EIF2AK4: variants seen among roughly 807,000 people sequenced by gnomAD.
EIF2AK4 encodes the protein eukaryotic translation initiation factor 2 alpha kinase 4.
Under a neutral mutation model 211.1 loss-of-function variants are expected in EIF2AK4, and 139 were observed. The observed-to-expected ratio is 0.66, with a 90% CI of 0.57 to 0.76. The LOEUF is 0.76. EIF2AK4 is among the 30% of genes least tolerant of loss of function. The pLI is 0.00. For missense variants in EIF2AK4, 1,664 were observed against 2,043.8 expected (o/e 0.81, Z 3.58); for synonymous variants, 710 against 751.3 (o/e 0.94, Z 0.90).
At chr15:40,027,991 G>A (rs1019926959) in intron 33 of EIF2AK4, among the ~76,000 whole-genome samples, 8 of 151,560 alleles carry the variant, frequency 5.3e-5, no homozygotes, top group Non-Finnish European at 8.8e-5. Context: ...CTAGAAGAAC[G>A]TACCAAATTT....
At chr15:39,980,588 G>A (rs1307928881) in intron 13 of EIF2AK4, among the ~76,000 whole-genome samples, 2 of 152,196 alleles carry the variant, frequency 1.3e-5, no homozygotes, top group Admixed American at 1.3e-4. Flanking sequence ...CTGATCAAGT[G>A]CTAATTAGCC....
rs527849793 is a variant in EIF2AK4 at position 39,940,929 on chromosome 15, C to T, written c.257+1312C>T. ...GTTTCCACCACCCCCTCCTAAGTTG[C>T]GATAATTGCTAGAATGCATCACAGA... On this transcript the variant is annotated intron_variant, in intron 2 of 38. Transcript: ENST00000263791. Among the ~76,000 whole-genome samples, 6 of 152,044 alleles carry T rather than the reference C, an allele frequency of 3.9e-5. No homozygotes were observed. The South Asian group carries it at 8.3e-4, about 21-fold the overall frequency.
At chr15:39,969,255 G>T (rs1237384932) in intron 9 of EIF2AK4, among the ~76,000 whole-genome samples, 1 of 151,710 alleles carries the variant, frequency 6.6e-6, no homozygotes, top group Non-Finnish European at 1.5e-5. Flanking sequence ...CCGTTTAGTA[G>T]CAAAATGAAT....
At chr15:39,995,694 ATTTATTT>A (rs1566998239) in intron 18 of EIF2AK4, among the ~76,000 whole-genome samples, 1 of 148,800 alleles carries the variant, frequency 6.7e-6, no homozygotes, top group Admixed American at 6.7e-5. Flanking sequence ...TTTTATTTTT[ATTTATTT>A]TTTATTTTTT....
chr15:40,011,866 T>G (rs2035239960), intron 27 of EIF2AK4, among the ~76,000 whole-genome samples: 1 of 152,184 alleles, frequency 6.6e-6, no homozygotes, highest in African/African-American at 2.4e-5. Context: ...AAGGGAAATC[T>G]TATGGAATAA....
intron 36 of EIF2AK4, 68 bp from the exon 37 acceptor site, chr15:40,032,689 C>T (rs183469334): frequency 3.0e-5 from 43 of 1,437,436 alleles, no homozygotes; most frequent in East Asian, 4.6e-5. Context: ...CTGCATTTCA[C>T]GTGACACTAT....
intron 36 of EIF2AK4, 73 bp downstream of exon 36, chr15:40,032,310 A>G: frequency 1.4e-6 from 2 of 1,381,552 alleles, no homozygotes; most frequent in South Asian, 1.2e-5. Context: ...CAGGGTTCAG[A>G]GCTTTTTTGC....
chr15:40,004,929 T>C (rs2035140067), intron 23 of EIF2AK4, among the ~76,000 whole-genome samples: 1 of 152,176 alleles, frequency 6.6e-6, no homozygotes, highest in Admixed American at 6.5e-5. Flanking sequence ...CAGCTCTTCG[T>C]ACATATCCTT....
In EIF2AK4 at chr15:40,002,697, A is replaced by G. The variant is rs772051379; in HGVS notation, c.3160-16A>G. On this transcript the variant is annotated splice_polypyrimidine_tract_variant and intron_variant, in intron 21 of 38. Coordinates refer to ENST00000263791, the MANE Select transcript of EIF2AK4 (RefSeq NM_001013703.4). ...ATAAGGCTTCAATGATGATGTTTTA[A>G]TCGGTCCTGTTTTAGGGCAACTTCT... is the stretch of plus-strand genomic sequence containing the variant. 6.2e-7 allele frequency: 1 copy of G among 1,613,978 alleles called. No homozygotes were observed. Among genetic ancestry groups the G allele is most frequent in the East Asian group, 2.2e-5 (1 of 44,880 alleles).
chr15:39,963,188 C>T (rs1288907632), intron 7 of EIF2AK4, among the ~76,000 whole-genome samples: 2 of 152,318 alleles, frequency 1.3e-5, no homozygotes, highest in East Asian at 1.9e-4. Flanking sequence ...CATATTTAGA[C>T]AAAGGAATCA....
rs763748240 is a variant in EIF2AK4, at chr15:40,002,786, A to G, written c.3233A>G (p.His1078Arg). The change falls in exon 22 of 39, where the codon CAT becomes CGT. Residue 1078 changes from histidine to arginine, a missense_variant and splice_region_variant. By Grantham distance (29) the His-to-Arg change is conservative. Transcript: ENST00000263791. ...ACCATCATCCGCATCTTTAAAAGACATGGTATGTACGCCCTTTTTAAAAAT... is the reference window on the plus strand; with the variant it reads ...ACCATCATCCGCATCTTTAAAAGACGTGGTATGTACGCCCTTTTTAAAAAT... The part of the protein sequence containing the change: ...CETIIRIFKR[H>R]GAVQLCTPLL... 26 of 1,614,166 alleles carry G rather than the reference A, an allele frequency of 1.6e-5. No individual in the cohort carries two copies. The highest frequency in any genetic ancestry group is 1.9e-5 in the Non-Finnish European group (23 of 1,179,988).
At chr15:39,943,571 T>C in intron 3 of EIF2AK4, 86 bp downstream of exon 3, 1 of 1,039,022 alleles carries the variant, frequency 9.6e-7, no homozygotes, top group Non-Finnish European at 1.4e-6. Flanking sequence ...ATGTTTTGTG[T>C]TTTATTGGTT....
Position 40,010,735 on chromosome 15 carries a change from C to T in EIF2AK4, c.3694-546C>T, listed in dbSNP as rs548694591. On this transcript the variant is annotated intron_variant, in intron 26 of 38. Coordinates refer to ENST00000263791, the MANE Select transcript of EIF2AK4 (RefSeq NM_001013703.4). ...TTTCTTTCATCTGGCAGGTACACAT[C>T]AATGGCCCAAACTTTACTGCTTGTT... Among the ~76,000 whole-genome samples, 6 of 152,294 alleles carry T rather than the reference C, an allele frequency of 3.9e-5. No homozygotes were observed. The South Asian group carries it at 1.2e-3, about 32-fold the overall frequency.
chr15:40,011,849 C>T (rs1285194272), intron 27 of EIF2AK4, among the ~76,000 whole-genome samples: 2 of 152,160 alleles, frequency 1.3e-5, no homozygotes, highest in Non-Finnish European at 2.9e-5. Flanking sequence ...TTGATCCCAT[C>T]ATCAATAAGG....
intron 23 of EIF2AK4, among the ~76,000 whole-genome samples, chr15:40,006,144 G>GTC (rs2035159649): frequency 6.6e-6 from 1 of 152,118 alleles, no homozygotes; most frequent in South Asian, 2.1e-4. Flanking sequence ...TTTTTTAAAT[G>GTC]TATGTCATAT....
intron 23 of EIF2AK4, among the ~76,000 whole-genome samples, 153 bp downstream of exon 23, chr15:40,003,467 T>C (rs2035120194): frequency 6.6e-6 from 1 of 152,216 alleles, no homozygotes; most frequent in Non-Finnish European, 1.5e-5. Context: ...AGAGTGTTAC[T>C]GGGGTGGAGG....
At chr15:39,981,993 C>T (rs760629722) in intron 13 of EIF2AK4, among the ~76,000 whole-genome samples, 64 of 146,296 alleles carry the variant, frequency 4.4e-4, no homozygotes, top group Non-Finnish European at 6.4e-4. Context: ...GGCACGATCT[C>T]GGCTCACTGC....
At position 40,012,680 on chromosome 15, in the gene EIF2AK4, A is replaced by G. The variant is rs539432351; in HGVS notation, c.3759+1334A>G. ...AGAACATCTTTTTTTTTTTTTAAGAAAGTCTTATAAATATACATTCGGACG... is the reference window on the plus strand; with the variant it reads ...AGAACATCTTTTTTTTTTTTTAAGAGAGTCTTATAAATATACATTCGGACG... On this transcript the variant is annotated intron_variant, in intron 27 of 38. Coordinates refer to ENST00000263791, the MANE Select transcript of EIF2AK4 (RefSeq NM_001013703.4). 3.8e-4 allele frequency among the ~76,000 whole-genome samples: 58 copies of G among 152,196 alleles called. No homozygotes were observed. The South Asian group carries it at 0.012, about 31-fold the overall frequency.
rs915131864 is a variant in EIF2AK4, at chr15:39,992,684, T to G, written c.2687-85T>G. The G allele has an allele frequency of 3.2e-6, 4 of 1,246,944 alleles. No individual in the cohort carries two copies. The South Asian group carries it at 3.7e-5, about 11-fold the overall frequency. 77.2% of individuals were successfully genotyped at this position (1,246,944 alleles called of 1,614,324 possible). On this transcript the variant is annotated intron_variant, in intron 17 of 38. Transcript: ENST00000263791. The stretch of plus-strand genomic sequence containing the variant: ...GACAGTTAACAGATCATGCCTCACT[T>G]TTAAGAAACCTTTTTTTGTTTTTAG...
Sources: allele counts gnomAD v4.1 joint callset (sites outside exome capture counted in the v4.1 genomes callset), GRCh38; gene constraint gnomAD v4.1.1; transcripts MANE v1.5; gene names NCBI Gene and HGNC (gene_info 2026-07-23, HGNC 2026-07-21).